WWOX: variants seen among roughly 807,000 people sequenced by gnomAD.
WWOX encodes the protein WW domain-containing oxidoreductase.
Under a neutral mutation model 46.2 loss-of-function variants are expected in WWOX, and 69 were observed. That is an observed-to-expected ratio of 1.49 (90% confidence interval 1.23 to 1.82). The LOEUF (loss-of-function observed/expected upper bound fraction) is 1.82, where lower values mean the gene tolerates loss of function less well. Among genes scored for constraint, WWOX ranks in the 40% most tolerant of loss-of-function variants. The pLI is 0.00. For synonymous variants in WWOX, 359 were observed against 202.6 expected (o/e 1.77, Z -6.56); for missense variants, 919 against 542.6 (o/e 1.69, Z -6.89).
chr16:78,498,580 A>G (rs2084977033), intron 8 of WWOX, among the ~76,000 whole-genome samples: 1 of 152,198 alleles, frequency 6.6e-6, no homozygotes, highest in African/African-American at 2.4e-5. Flanking sequence ...GTAATGAGCA[A>G]CACACAAGGA....
At chr16:78,499,748 C>A (rs942407373) in intron 8 of WWOX, among the ~76,000 whole-genome samples, 2 of 152,310 alleles carry the variant, frequency 1.3e-5, no homozygotes, top group African/African-American at 4.8e-5. Flanking sequence ...CAGGACTTGA[C>A]ACCAGCCTCT....
At chr16:78,197,015 G>A (rs1482330060) in intron 5 of WWOX, among the ~76,000 whole-genome samples, 1 of 152,228 alleles carries the variant, frequency 6.6e-6, no homozygotes, top group East Asian at 1.9e-4. Flanking sequence ...TCAGGCATAA[G>A]GAGAAGGTGA....
At chr16:78,795,172 A>T (rs1301365199) in intron 8 of WWOX, among the ~76,000 whole-genome samples, 1 of 152,190 alleles carries the variant, frequency 6.6e-6, no homozygotes, top group Non-Finnish European at 1.5e-5. Flanking sequence ...TAGAGTGTTC[A>T]AAAGGTGCCA....
chr16:78,503,971 A>T (rs1039541628), intron 8 of WWOX, among the ~76,000 whole-genome samples: 1 of 152,220 alleles, frequency 6.6e-6, no homozygotes, highest in Non-Finnish European at 1.5e-5. Flanking sequence ...GGAAGCTGCA[A>T]GTTATGTTTT....
At chr16:79,103,425 C>G (rs1210401029) in intron 8 of WWOX, among the ~76,000 whole-genome samples, 1 of 152,178 alleles carries the variant, frequency 6.6e-6, no homozygotes, top group African/African-American at 2.4e-5. Context: ...TGTTTAGGGG[C>G]TCAAGCACAA....
chr16:78,363,085 T>C (rs996287925), intron 5 of WWOX, among the ~76,000 whole-genome samples: 1 of 152,144 alleles, frequency 6.6e-6, no homozygotes, highest in African/African-American at 2.4e-5. Flanking sequence ...AAATCTTTTT[T>C]ATTCAGTATT....
intron 8 of WWOX, among the ~76,000 whole-genome samples, chr16:78,492,509 C>G (rs1053629834): frequency 3.3e-5 from 5 of 152,186 alleles, no homozygotes; most frequent in African/African-American, 1.2e-4. Context: ...ACTCATTCAT[C>G]TACATCTAGG....
intron 8 of WWOX, among the ~76,000 whole-genome samples, chr16:78,592,772 G>A (rs2045381141): frequency 6.6e-6 from 1 of 152,142 alleles, no homozygotes; most frequent in Non-Finnish European, 1.5e-5. Flanking sequence ...CCCTGGGCTG[G>A]GGTGGCCACT....
intron 5 of WWOX, among the ~76,000 whole-genome samples, chr16:78,260,274 C>A (rs186408991): frequency 6.6e-6 from 1 of 151,570 alleles, no homozygotes; most frequent in Non-Finnish European, 1.5e-5. Context: ...AAAAGAGAAA[C>A]AAACAGAAAA....
At chr16:79,091,783 T>G (rs535428374) in intron 8 of WWOX, among the ~76,000 whole-genome samples, 1 of 141,604 alleles carries the variant, frequency 7.1e-6, no homozygotes, top group Non-Finnish European at 1.5e-5. Flanking sequence ...TTCTTTGTTT[T>G]TTTTTTTTTT....
chr16:78,621,592 CTTTTTTTTTTTTTTTTTT>C (rs34182797), intron 8 of WWOX, among the ~76,000 whole-genome samples: 2 of 31,512 alleles, frequency 6.3e-5, no homozygotes, highest in Non-Finnish European at 1.2e-4. Context: ...TTGTTCTAAT[CTTTTTTTTTTTTTTTTTT>C]TTTTTTTTTT....
intron 8 of WWOX, among the ~76,000 whole-genome samples, chr16:78,779,650 G>A (rs931119754): frequency 2.6e-5 from 4 of 152,160 alleles, no homozygotes; most frequent in African/African-American, 9.7e-5. Flanking sequence ...CGTAGCAGAG[G>A]GCCCCAGTTC....
chr16:78,683,539 C>CAA (rs71384376), intron 8 of WWOX, among the ~76,000 whole-genome samples: 15,398 of 145,560 alleles, frequency 0.11, 1,374 homozygotes, highest in African/African-American at 0.25. Context: ...GACTCTATCT[C>CAA]AAAAAAAAAT....
chr16:78,606,339 G>A (rs1470369259), intron 8 of WWOX, among the ~76,000 whole-genome samples: 1 of 151,960 alleles, frequency 6.6e-6, no homozygotes, highest in Non-Finnish European at 1.5e-5. Context: ...TAAGAAGGAT[G>A]CTATTTACTA....
At chr16:79,142,149 C>T (rs1410354117) in intron 8 of WWOX, among the ~76,000 whole-genome samples, 2 of 152,156 alleles carry the variant, frequency 1.3e-5, no homozygotes, top group African/African-American at 4.8e-5. Flanking sequence ...TGAGTCCTTG[C>T]TCTGTGTCAG....
intron 5 of WWOX, among the ~76,000 whole-genome samples, chr16:78,383,633 A>G (rs1259960971): frequency 6.6e-6 from 1 of 152,210 alleles, no homozygotes; most frequent in Non-Finnish European, 1.5e-5. Context: ...AGTTTGTTAG[A>G]CAATTAGAAT....
chr16:78,940,605 C>A (rs1334325715), intron 8 of WWOX, among the ~76,000 whole-genome samples: 1 of 151,972 alleles, frequency 6.6e-6, no homozygotes, highest in Non-Finnish European at 1.5e-5. Context: ...ATGCTCTAAT[C>A]TCCACAGAAG....
chr16:79,107,034 C>A (rs1261680326), intron 8 of WWOX, among the ~76,000 whole-genome samples: 1 of 152,064 alleles, frequency 6.6e-6, no homozygotes, highest in Non-Finnish European at 1.5e-5. Context: ...TGGTCTCGAT[C>A]TCCTGACCTC....
intron 8 of WWOX, among the ~76,000 whole-genome samples, chr16:78,527,019 C>G (rs2043486270): frequency 1.3e-5 from 2 of 152,122 alleles, no homozygotes; most frequent in Admixed American, 1.3e-4. Context: ...ACAAAATTAG[C>G]TGGGTGTGGT....
Sources: allele counts gnomAD v4.1 joint callset (sites outside exome capture counted in the v4.1 genomes callset), GRCh38; gene constraint gnomAD v4.1.1; transcripts MANE v1.5; gene names NCBI Gene and HGNC (gene_info 2026-07-23, HGNC 2026-07-21).